Variants in OR11A1 observed in about 807,000 individuals in gnomAD.
OR11A1 encodes the protein olfactory receptor family 11 subfamily A member 1, also known as olfactory receptor 11A1.
For missense variants in OR11A1, 380 were observed against 378.2 expected (o/e 1.00, Z -0.04); for synonymous variants, 158 against 152.2 (o/e 1.04, Z -0.28).
intron 1 of OR11A1, among the ~76,000 whole-genome samples, chr6:29,455,807 C>T (rs1032813540): frequency 4.0e-5 from 5 of 124,420 alleles, no homozygotes; most frequent in Non-Finnish European, 3.2e-5. Flanking sequence ...ACCCAGGAGG[C>T]GGAGGTTTTA....
At chr6:29,441,726 A>T (rs1784211106) in intron 1 of OR11A1, among the ~76,000 whole-genome samples, 1 of 152,106 alleles carries the variant, frequency 6.6e-6, no homozygotes, top group Admixed American at 6.5e-5. Flanking sequence ...ATTGATCCTC[A>T]CCCTTCTTCT....
At chr6:29,449,358 G>C (rs1419148859) in intron 1 of OR11A1, among the ~76,000 whole-genome samples, 1 of 152,176 alleles carries the variant, frequency 6.6e-6, no homozygotes, top group African/African-American at 2.4e-5. Context: ...GAAAAGGAAA[G>C]AAGAAGAAAA....
At chr6:29,439,977 C>T in intron 1 of OR11A1, 2 of 1,531,584 alleles carry the variant, frequency 1.3e-6, no homozygotes, top group Non-Finnish European at 1.8e-6. Context: ...TTTTTCCTTG[C>T]CATTTCTTTT....
chr6:29,455,748 C>T (rs931134826), intron 1 of OR11A1, among the ~76,000 whole-genome samples: 2 of 151,528 alleles, frequency 1.3e-5, no homozygotes, highest in African/African-American at 4.9e-5. Flanking sequence ...TGGCAGCATG[C>T]GCCTGTAATC....
At chr6:29,440,484 G>A (rs1340773971) in intron 1 of OR11A1, 1 of 1,613,434 alleles carries the variant, frequency 6.2e-7, no homozygotes, top group Admixed American at 1.7e-5. Context: ...GGTGGGGCTG[G>A]GCCACACCCC....
Position 29,440,029 on chromosome 6 carries a change from C to A in OR11A1, c.-388-8042G>T, listed in dbSNP as rs776664314. ...TATGCAGGCAGGATGAGTGCAAACA[C>A]CTCCATGGTGACTGAGTTTCTTCTT... On this transcript the variant is annotated intron_variant, in intron 1 of 4. Transcript: ENST00000377149. 13 of 1,612,766 alleles carry A rather than the reference C, an allele frequency of 8.1e-6. No homozygotes were observed. In the African/African-American group the frequency reaches 1.5e-4, roughly 18 times the overall value.
At chr6:29,437,161 C>G (rs934009760) in intron 1 of OR11A1, among the ~76,000 whole-genome samples, 3 of 152,160 alleles carry the variant, frequency 2.0e-5, no homozygotes, top group African/African-American at 7.2e-5. Context: ...CTAGAAATAC[C>G]ATTTGACCCA....
intron 1 of OR11A1, chr6:29,441,081 T>C (rs1300333393): frequency 3.1e-6 from 2 of 645,434 alleles, no homozygotes; most frequent in Non-Finnish European, 5.3e-6. Context: ...GACAAACTTA[T>C]CTTTGAAAAG....
In OR11A1 at chr6:29,452,368, G is replaced by A. The variant is rs192302376; in HGVS notation, c.-389+4619C>T. 1.4e-3 allele frequency among the ~76,000 whole-genome samples: 210 copies of A among 151,614 alleles called. 5 individuals are homozygous for A. The East Asian group carries it at 0.021, about 15-fold the overall frequency. ...AAAAAAAGGAGAAGAGAGATAAAAG[G>A]GCAAACAAAAAAATTGTTCAAAAAA... On this transcript the variant is annotated intron_variant, in intron 1 of 4. Transcript: ENST00000377149.
intron 1 of OR11A1, among the ~76,000 whole-genome samples, chr6:29,455,874 C>CAA (rs9256960): frequency 0.12 from 9,527 of 80,322 alleles, 944 homozygotes; most frequent in Non-Finnish European, 0.14. Context: ...AGACTTGTCT[C>CAA]AAAAAAAAAA....
chr6:29,440,979 G>T, intron 1 of OR11A1: 1 of 1,457,782 alleles, frequency 6.9e-7, no homozygotes. Flanking sequence ...TGACTTCTGT[G>T]CAGTGCTCTG....
chr6:29,440,282 C>T, intron 1 of OR11A1: 1 of 1,614,062 alleles, frequency 6.2e-7, no homozygotes, highest in Non-Finnish European at 8.5e-7. Context: ...CTGGCCGGCG[C>T]CACATCTCTC....
intron 1 of OR11A1, among the ~76,000 whole-genome samples, chr6:29,436,427 G>C (rs1783631621): frequency 6.6e-6 from 1 of 152,114 alleles, no homozygotes; most frequent in South Asian, 2.1e-4. Context: ...GATAAGCTCT[G>C]TTCAGGCATG....
At chr6:29,434,347 G>C (rs1405645418) in intron 1 of OR11A1, among the ~76,000 whole-genome samples, 2 of 152,120 alleles carry the variant, frequency 1.3e-5, no homozygotes, top group Non-Finnish European at 2.9e-5. Flanking sequence ...CATATATTGA[G>C]TGTCATAAGG....
At chr6:29,429,061 T>G (rs1783075078) in intron 3 of OR11A1, 101 bp from the exon 4 acceptor site, 1 of 184,466 alleles carries the variant, frequency 5.4e-6, no homozygotes, top group Admixed American at 6.5e-5. Flanking sequence ...TACATAATAC[T>G]AACAGTGTTA....
chr6:29,439,153 T>G (rs144091443), intron 1 of OR11A1, among the ~76,000 whole-genome samples: 1,687 of 152,374 alleles, frequency 0.011, 17 homozygotes, highest in African/African-American at 0.025. Flanking sequence ...CAACTTTAGA[T>G]AAATCTGGCA....
intron 1 of OR11A1, among the ~76,000 whole-genome samples, chr6:29,455,596 A>G (rs1024968065): frequency 1.3e-5 from 2 of 152,204 alleles, no homozygotes; most frequent in Non-Finnish European, 2.9e-5. Context: ...TGGCTTGACC[A>G]TAGTAATCAT....
chr6:29,425,653 G>A lies in OR11A1; in HGVS notation c.*1041C>T, dbSNP rs1782745506. 1 of 152,102 alleles carries A rather than the reference G, an allele frequency of 6.6e-6. No homozygotes were observed. The highest frequency in any genetic ancestry group is 2.4e-5 in the African/African-American group (1 of 41,402). 9.4% of individuals were successfully genotyped at this position (152,102 alleles called of 1,614,324 possible). On this transcript the variant is annotated 3_prime_UTR_variant, in exon 5 of 5. Coordinates refer to ENST00000377149, the MANE Select transcript of OR11A1 (RefSeq NM_001394828.1). ...TTTTCCATGAAAACTAACAAACAAG[G>A]AGCTGTAGCTAATTAAAATAAGATT...
At chr6:29,440,920 G>T in intron 1 of OR11A1, 2 of 1,612,576 alleles carry the variant, frequency 1.2e-6, no homozygotes, top group South Asian at 1.1e-5. Flanking sequence ...GCCCTAAAGA[G>T]AACCATCCAG....
Sources: allele counts gnomAD v4.1 joint callset (sites outside exome capture counted in the v4.1 genomes callset), GRCh38; gene constraint gnomAD v4.1.1; transcripts MANE v1.5; gene names NCBI Gene and HGNC (gene_info 2026-07-23, HGNC 2026-07-21).